SNX9: variants seen among roughly 807,000 people sequenced by gnomAD.
The protein encoded by SNX9 is sorting nexin 9, also known as sorting nexin-9.
Under a neutral mutation model 89.4 loss-of-function variants are expected in SNX9, and 44 were observed. The observed-to-expected ratio is 0.49, with a 90% CI of 0.39 to 0.63. SNX9 has a LOEUF of 0.63. Among genes scored for constraint, SNX9 ranks in the 30% least tolerant of loss-of-function variants. The pLI, the probability that SNX9 is intolerant of heterozygous loss-of-function variation, is 0.00. For missense variants in SNX9, 578 were observed against 736.1 expected (o/e 0.79, Z 2.49); for synonymous variants, 236 against 247.8 (o/e 0.95, Z 0.45).
In SNX9 at chr6:157,900,726, A is replaced by T. The variant is rs533390383; in HGVS notation, c.473-1172A>T. On this transcript the variant is annotated intron_variant, in intron 5 of 17. Coordinates refer to ENST00000392185, the MANE Select transcript of SNX9 (RefSeq NM_016224.5). ...ACAGTATACAGAGATAAGAATTTAC[A>T]ATATAGTGTATGCATCAGTAATTTC... 5.9e-5 allele frequency among the ~76,000 whole-genome samples: 9 copies of T among 152,364 alleles called. No homozygotes were observed. The East Asian group carries it at 1.7e-3, about 29-fold the overall frequency.
In SNX9 at chr6:157,937,462, A is replaced by C. The variant is rs1247700312; in HGVS notation, c.1472A>C (p.Glu491Ala). ...AAGAAAGATCTCCATTTCCTGATGG[A>C]ATGTAATCACGAGTATAAAGGTTTT... ...QPKKDLHFLM[E>A]CNHEYKGFLG... Residue 491 changes from glutamate (E) to alanine (A), a missense_variant, in exon 15 of 18, where the codon GAA (glutamate) becomes GCA (alanine). This residue lies in a region of SNX9 where 348 missense variants were observed against 491.4 expected (regional missense o/e 0.71). Transcript: ENST00000392185. The C allele has an allele frequency of 6.2e-7, 1 of 1,613,588 alleles. No individual in the cohort carries two copies. Among genetic ancestry groups the C allele is most frequent in the African/African-American group, 1.3e-5 (1 of 74,912 alleles).
intron 16 of SNX9, among the ~76,000 whole-genome samples, chr6:157,939,143 A>G (rs1023116722): frequency 2.0e-5 from 3 of 150,982 alleles, no homozygotes; most frequent in Non-Finnish European, 3.0e-5. Flanking sequence ...TTTTGTGTCA[A>G]GAAAAAAAAA....
chr6:157,924,807 T>C (rs987712313), intron 10 of SNX9: 65 of 152,364 alleles, frequency 4.3e-4, no homozygotes, highest in African/African-American at 1.5e-3. Flanking sequence ...AAAGTGTTGG[T>C]AATTATCGAA....
intron 15 of SNX9, among the ~76,000 whole-genome samples, chr6:157,937,920 T>C (rs886688236): frequency 6.6e-6 from 1 of 152,218 alleles, no homozygotes; most frequent in Non-Finnish European, 1.5e-5. Flanking sequence ...AGGGGTACCA[T>C]AGGTAAATTA....
chr6:157,832,910 C>G (rs7759148), intron 1 of SNX9, among the ~76,000 whole-genome samples: 10,059 of 152,216 alleles, frequency 0.066, 1,127 homozygotes, highest in African/African-American at 0.23. Flanking sequence ...TCTATCACTT[C>G]AGTTGCTTCA....
chr6:157,829,813 T>C (rs565406963), intron 1 of SNX9, among the ~76,000 whole-genome samples: 17 of 152,312 alleles, frequency 1.1e-4, no homozygotes, highest in African/African-American at 3.8e-4. Flanking sequence ...AATTTTACCT[T>C]TTTATCCAGT....
chr6:157,882,792 A>G (rs1465339058), intron 4 of SNX9, among the ~76,000 whole-genome samples: 1 of 152,204 alleles, frequency 6.6e-6, no homozygotes, highest in Non-Finnish European at 1.5e-5. Context: ...CTTCTTATGG[A>G]TGAGCAAAGA....
At chr6:157,908,912 C>A (rs1323820126) in intron 7 of SNX9, among the ~76,000 whole-genome samples, 1 of 152,186 alleles carries the variant, frequency 6.6e-6, no homozygotes, top group Non-Finnish European at 1.5e-5. Flanking sequence ...TGGAGGCCTA[C>A]CCTCTTCAGG....
chr6:157,937,364 A>G (rs1358099638), intron 14 of SNX9, 70 bp from the exon 15 acceptor site: 1 of 1,054,778 alleles, frequency 9.5e-7, no homozygotes, highest in Non-Finnish European at 1.5e-6. Context: ...GTCTTTGGGT[A>G]TAATAGTTCT....
At chr6:157,834,162 T>TGTTG (rs1781532166) in intron 1 of SNX9, among the ~76,000 whole-genome samples, 1 of 101,724 alleles carries the variant, frequency 9.8e-6, no homozygotes, top group African/African-American at 4.7e-5. Context: ...TTTTTTTTTT[T>TGTTG]TTTTTTTTTT....
intron 12 of SNX9, among the ~76,000 whole-genome samples, chr6:157,930,832 A>G (rs190354574): frequency 2.4e-4 from 37 of 152,346 alleles, no homozygotes; most frequent in African/African-American, 8.2e-4. Flanking sequence ...TTTAAAGGCA[A>G]TGAATTAATT....
chr6:157,854,197 TC>T (rs1389890457), intron 1 of SNX9, among the ~76,000 whole-genome samples: 1 of 152,216 alleles, frequency 6.6e-6, no homozygotes, highest in Admixed American at 6.5e-5. Context: ...ATATTTGTAT[TC>T]CTGTCTCCCC....
intron 10 of SNX9, among the ~76,000 whole-genome samples, chr6:157,925,625 G>A (rs560338992): frequency 6.6e-6 from 1 of 152,140 alleles, no homozygotes; most frequent in Admixed American, 6.5e-5. Context: ...ATACAGCAAT[G>A]AAATGAATGA....
At chr6:157,913,425 C>CCTCAGCCTCCCAA (rs112948338) in intron 9 of SNX9, among the ~76,000 whole-genome samples, 35,172 of 152,056 alleles carry the variant, frequency 0.23, 4,232 homozygotes, top group African/African-American at 0.28. Flanking sequence ...GATCCTCCCA[C>CCTCAGCCTCCCAA]GTAGCTGGGA....
intron 2 of SNX9, among the ~76,000 whole-genome samples, chr6:157,870,774 C>T (rs948697792): frequency 2.6e-5 from 4 of 151,090 alleles, no homozygotes; most frequent in African/African-American, 9.8e-5. Flanking sequence ...TGCTCTCACA[C>T]ATATATGCAC....
chr6:157,870,684 C>T (rs1052314698), intron 2 of SNX9, among the ~76,000 whole-genome samples: 1 of 150,704 alleles, frequency 6.6e-6, no homozygotes, highest in Admixed American at 6.6e-5. Flanking sequence ...CAAGCACATA[C>T]ACCCTGCAGA....
At chr6:157,842,098 G>A (rs1781714804) in intron 1 of SNX9, among the ~76,000 whole-genome samples, 1 of 151,994 alleles carries the variant, frequency 6.6e-6, no homozygotes, top group Non-Finnish European at 1.5e-5. Context: ...TGTAATTCCT[G>A]TTATACTTAA....
At chr6:157,851,527 C>A (rs1380250940) in intron 1 of SNX9, among the ~76,000 whole-genome samples, 1 of 152,096 alleles carries the variant, frequency 6.6e-6, no homozygotes, top group Non-Finnish European at 1.5e-5. Context: ...CCTGGTAACC[C>A]CCATTCTACT....
intron 1 of SNX9, chr6:157,830,149 T>G (rs963902134): frequency 2.0e-5 from 3 of 152,358 alleles, no homozygotes; most frequent in African/African-American, 7.2e-5. Context: ...ATGTTTTAGA[T>G]CTAATCATAT....
Sources: gnomAD v4.1 joint callset for allele counts (sites outside exome capture counted in the v4.1 genomes callset) on GRCh38, gnomAD v4.1.1 for gene constraint, gnomAD v4.1.1 regional missense constraint, MANE v1.5 for transcripts, NCBI Gene and HGNC (gene_info 2026-07-23, HGNC 2026-07-21) for gene names.